The following ANKRD24 variants were observed in gnomAD, a reference collection of about 807,000 sequenced individuals.
The protein encoded by ANKRD24 is ankyrin repeat domain 24, also known as ankyrin repeat domain-containing protein 24.
A neutral mutation model predicts 127.8 loss-of-function variants in ANKRD24; 109 were observed. The observed-to-expected ratio is 0.85, with a 90% CI of 0.73 to 1.00. The LOEUF is 1.00. ANKRD24 is among the 50% of genes least tolerant of loss of function. The probability of loss-of-function intolerance (pLI) is 0.00; values close to 1 mark genes in which losing one functional copy is unlikely to be tolerated. For missense variants in ANKRD24, 1,648 were observed against 1,570.2 expected (o/e 1.05, Z -0.84); for synonymous variants, 743 against 671.1 (o/e 1.11, Z -1.66).
intron 2 of ANKRD24, among the ~76,000 whole-genome samples, chr19:4,190,294 G>A (rs1968311540): frequency 6.6e-6 from 1 of 151,992 alleles, no homozygotes; most frequent in African/African-American, 2.4e-5. Context: ...AATCAGCCGG[G>A]CGTGGTGGCG....
intron 15 of ANKRD24, 25 bp from the exon 16 acceptor site, chr19:4,215,953 G>A (rs1411431874): frequency 1.3e-6 from 2 of 1,559,184 alleles, no homozygotes; most frequent in Non-Finnish European, 1.7e-6. Context: ...AGAACCCCGA[G>A]CTGGACTCTG....
At position 4,212,700 on chromosome 19, in the gene ANKRD24, T is replaced by C. The variant is rs1032701544; in HGVS notation, c.1197+2T>C. ...CAGAGCCGGCTGTCCCTGCTGGAGG[T>C]AGGAGCAGTGATGAGTCAGGGCTGG... On this transcript the variant is annotated splice_donor_variant, in intron 15 of 21. Coordinates refer to ENST00000318934, the MANE Select transcript of ANKRD24 (RefSeq NM_001393985.1). LOFTEE classifies it high-confidence loss of function. The C allele has an allele frequency of 2.3e-5, 36 of 1,550,074 alleles. No homozygotes were observed. Among genetic ancestry groups the C allele is most frequent in the Middle Eastern group, 1.9e-4 (1 of 5,262 alleles).
Position 4,217,460 on chromosome 19 carries a change from G to A in ANKRD24, c.2300G>A (p.Arg767His), listed in dbSNP as rs932852974. 8 of 1,496,234 alleles carry A rather than the reference G, an allele frequency of 5.3e-6. No individual in the cohort carries two copies. The African/African-American group carries it at 7.1e-5, about 13-fold the overall frequency. 92.7% of individuals were successfully genotyped at this position (1,496,234 alleles called of 1,614,324 possible). ...AEAEAGRLRERVREAEGSGAS... is the reference protein window; with the variant it reads ...AEAEAGRLREHVREAEGSGAS... ...GCCGAGGCAGGCCGGCTGCGAGAGC[G>A]TGTCCGCGAGGCCGAGGGCAGCGGG... Residue 767 changes from arginine (R) to histidine (H), a missense_variant, in exon 18 of 22, where the codon CGT becomes CAT. Physicochemically the swap from Arg to His is conservative, Grantham distance 29. Transcript: ENST00000318934.
chr19:4,217,037 A>G lies in ANKRD24; in HGVS notation c.1877A>G (p.Gln626Arg), dbSNP rs1197992180. ...ANMETKPTGAQATDTETTGVE... is the reference protein window; with the variant it reads ...ANMETKPTGARATDTETTGVE... ...ATGGAAACTAAGCCCACAGGAGCTCAGGCCACAGACACAGAGACCACGGGA... is the reference window on the plus strand; with the variant it reads ...ATGGAAACTAAGCCCACAGGAGCTCGGGCCACAGACACAGAGACCACGGGA... Residue 626 changes from glutamine (Q) to arginine (R), a missense_variant, in exon 18 of 22, where the codon CAG becomes CGG. Physicochemically the swap from Gln to Arg is conservative, Grantham distance 43. Coordinates refer to ENST00000318934, the MANE Select transcript of ANKRD24 (RefSeq NM_001393985.1). 3.1e-6 allele frequency: 5 copies of G among 1,613,654 alleles called. No individual in the cohort carries two copies. The highest frequency in any genetic ancestry group is 2.2e-5 in the East Asian group (1 of 44,890).
chr19:4,219,573 C>T lies in ANKRD24; in HGVS notation c.3004-18C>T, dbSNP rs372597262. The T allele has an allele frequency of 2.3e-5, 36 of 1,592,442 alleles. No individual in the cohort carries two copies. In the East Asian group the frequency reaches 3.8e-4, roughly 17 times the overall value. On this transcript the variant is annotated intron_variant, in intron 18 of 21. Transcript: ENST00000318934. ...GAGTCTTAGTGTCCTGAGAGTCATG[C>T]GTGGGCTTGGGCCACAGGTGCAGCG...
In ANKRD24 at chr19:4,195,746, T is replaced by C. The variant is rs994704733; in HGVS notation, c.37-3937T>C. Among the ~76,000 whole-genome samples, 1 of 152,006 alleles carries C rather than the reference T, an allele frequency of 6.6e-6. No homozygotes were observed. The highest frequency in any genetic ancestry group is 2.4e-5 in the African/African-American group (1 of 41,382). On this transcript the variant is annotated intron_variant, in intron 2 of 21. Coordinates refer to ENST00000318934, the MANE Select transcript of ANKRD24 (RefSeq NM_001393985.1). This position sits in a 1 kb window ranked among gnomAD's most constrained non-coding sequence, Gnocchi z 4.2. ...CCCGTCTCTACTAAAATACAAAAAT[T>C]CGCTAGGCGTGGTGGCGTGTGCCTG...
In ANKRD24 at chr19:4,200,132, A is replaced by G. The variant is rs1969016329; in HGVS notation, c.304A>G (p.Ile102Val). The G allele has an allele frequency of 6.2e-7, 1 of 1,607,576 alleles. No homozygotes were observed. Among genetic ancestry groups the G allele is most frequent in the Non-Finnish European group, 8.5e-7 (1 of 1,177,292 alleles). The change falls in exon 5 of 22, where the codon ATA becomes GTA. Residue 102 changes from isoleucine (I) to valine (V), a missense_variant. Coordinates refer to ENST00000318934, the MANE Select transcript of ANKRD24 (RefSeq NM_001393985.1). ...TGCGGCCAGCTGTCTGGAGGTGATG[A>G]TAGCTCATGGCAGCAATGTCATGAG... ...RGAASCLEVM[I>V]AHGSNVMSAD...
At chr19:4,201,490 A>T (rs1335558795) in intron 5 of ANKRD24, among the ~76,000 whole-genome samples, 1 of 151,960 alleles carries the variant, frequency 6.6e-6, no homozygotes, top group Non-Finnish European at 1.5e-5. Flanking sequence ...GGGCTTGAGG[A>T]ATAGGTGGGT....
chr19:4,219,421 C>T (rs1445063310), intron 18 of ANKRD24, among the ~76,000 whole-genome samples, 170 bp from the exon 19 acceptor site: 1 of 151,980 alleles, frequency 6.6e-6, no homozygotes, highest in African/African-American at 2.4e-5. Flanking sequence ...GAGCCATGAT[C>T]GCACCACCGC....
chr19:4,215,416 C>T (rs554357064), intron 15 of ANKRD24, among the ~76,000 whole-genome samples: 100 of 146,194 alleles, frequency 6.8e-4, no homozygotes, highest in African/African-American at 2.3e-3. Flanking sequence ...ATCTGGGAGG[C>T]GAAGGTTACA....
At chr19:4,190,318 C>T (rs1428754842) in intron 2 of ANKRD24, among the ~76,000 whole-genome samples, 2 of 151,880 alleles carry the variant, frequency 1.3e-5, no homozygotes, top group African/African-American at 4.8e-5. Context: ...GCCTGTAGTC[C>T]CAGCTACTCG....
rs367894541 is a variant in ANKRD24, at chr19:4,224,151, G to T, written c.3322G>T (p.Val1108Leu). The change falls in exon 21 of 22, where the codon GTG becomes TTG. Residue 1108 changes from valine to leucine, a missense_variant. Transcript: ENST00000318934. ...GGAAGCTGCCAGGGACCACTCCAGC[G>T]TGGTGGCTTTGTACAGAAGCCACCT... is the stretch of plus-strand genomic sequence containing the variant. ...LQEAARDHSS[V>L]VALYRSHLLY... The T allele has an allele frequency of 6.2e-7, 1 of 1,612,880 alleles. No homozygotes were observed. Among genetic ancestry groups the T allele is most frequent in the Non-Finnish European group, 8.5e-7 (1 of 1,179,692 alleles).
chr19:4,218,291 A>G lies in ANKRD24; in HGVS notation c.3003+128A>G, dbSNP rs1970245576. The G allele has an allele frequency of 7.6e-6, 5 of 654,618 alleles. No homozygotes were observed. In the East Asian group the frequency reaches 1.1e-4, roughly 14 times the overall value. The allele number at this position is 654,618 out of a possible 1,614,324, so 40.6% of individuals were successfully genotyped here. A position where few individuals can be genotyped will look rare whatever the true frequency, so the allele number is the denominator to read the frequency against. On this transcript the variant is annotated intron_variant, in intron 18 of 21. Coordinates refer to ENST00000318934, the MANE Select transcript of ANKRD24 (RefSeq NM_001393985.1). Reference sequence around the variant, plus strand: ...TGAACAGACCTACTTTATTTTATTTATTTATTTATTTATTTATTTATTTTT... The same window carrying G: ...TGAACAGACCTACTTTATTTTATTTGTTTATTTATTTATTTATTTATTTTT...
chr19:4,187,576 C>G (rs117880939), intron 2 of ANKRD24, among the ~76,000 whole-genome samples: 1 of 152,200 alleles, frequency 6.6e-6, no homozygotes, highest in East Asian at 1.9e-4. Context: ...AGACATGCTT[C>G]TTCCTCCATT....
Position 4,217,666 on chromosome 19 carries a change from C to A in ANKRD24, c.2506C>A (p.Leu836Met). 7.8e-7 allele frequency: 1 copy of A among 1,284,192 alleles called. No individual in the cohort carries two copies. The highest frequency in any genetic ancestry group is 9.8e-7 in the Non-Finnish European group (1 of 1,019,398). 79.5% of individuals were successfully genotyped at this position (1,284,192 alleles called of 1,614,324 possible). The change falls in exon 18 of 22, where the codon CTG becomes ATG. Residue 836 changes from leucine to methionine, a missense_variant. By Grantham distance (15) the Leu-to-Met change is conservative. Coordinates refer to ENST00000318934, the MANE Select transcript of ANKRD24 (RefSeq NM_001393985.1). ...EEEARGLRAELAQREEARLEQ... is the reference protein window; with the variant it reads ...EEEARGLRAEMAQREEARLEQ... ...GGAGGCGCGGGGCCTGCGGGCCGAGCTGGCCCAGCGGGAGGAGGCGCGGCT... is the reference window on the plus strand; with the variant it reads ...GGAGGCGCGGGGCCTGCGGGCCGAGATGGCCCAGCGGGAGGAGGCGCGGCT...
At chr19:4,202,973 T>C (rs1292877775) in intron 7 of ANKRD24, 47 bp downstream of exon 7, 7 of 1,496,814 alleles carry the variant, frequency 4.7e-6, no homozygotes, top group Non-Finnish European at 5.4e-6. Context: ...CAGAGGGTGC[T>C]AGACTTGGGG....
At chr19:4,202,120 C>T (rs765431481) in intron 6 of ANKRD24, 30 bp downstream of exon 6, 11 of 1,601,308 alleles carry the variant, frequency 6.9e-6, no homozygotes, top group Non-Finnish European at 9.4e-6. Context: ...CAGCTACTCC[C>T]TTGGCCCCTA....
chr19:4,207,957 C>A lies in ANKRD24; in HGVS notation c.821C>A (p.Ser274Tyr). The A allele has an allele frequency of 6.6e-7, 1 of 1,504,562 alleles. No homozygotes were observed. The highest frequency in any genetic ancestry group is 2.4e-5 in the Admixed American group (1 of 41,006). The allele number at this position is 1,504,562 out of a possible 1,614,324, so 93.2% of individuals were successfully genotyped here. ...CTGCAAGAGGCGGCCCAGCGCCCCTCCCCACCCAGCGGTATGCAAGCCCCA... is the reference window on the plus strand; with the variant it reads ...CTGCAAGAGGCGGCCCAGCGCCCCTACCCACCCAGCGGTATGCAAGCCCCA... ...HLLQEAAQRP[S>Y]PPSALTEDDS... The change falls in exon 10 of 22, where the codon TCC becomes TAC. Residue 274 changes from serine (S) to tyrosine (Y), a missense_variant. Coordinates refer to ENST00000318934, the MANE Select transcript of ANKRD24 (RefSeq NM_001393985.1).
intron 18 of ANKRD24, 41 bp from the exon 19 acceptor site, chr19:4,219,550 G>C (rs1266164543): frequency 1.3e-6 from 2 of 1,564,378 alleles, no homozygotes; most frequent in South Asian, 1.2e-5. Context: ...CATCATTGGA[G>C]TCTTAGTGTC....
Sources: gnomAD v4.1 joint callset for allele counts (sites outside exome capture counted in the v4.1 genomes callset) on GRCh38, gnomAD v4.1.1 for gene constraint, Gnocchi (gnomAD v3.1) non-coding constraint, MANE v1.5 for transcripts, NCBI Gene and HGNC (gene_info 2026-07-23, HGNC 2026-07-21) for gene names.